TOX: variants seen among roughly 807,000 people sequenced by gnomAD.
TOX encodes thymocyte selection-associated high mobility group box protein TOX.
A neutral mutation model predicts 53.7 loss-of-function variants in TOX; 11 were observed. The ratio of observed to expected loss-of-function variants is 0.20; its 90% confidence interval spans 0.13 to 0.34. The LOEUF (loss-of-function observed/expected upper bound fraction) is 0.34, where lower values mean the gene tolerates loss of function less well. Ranked by LOEUF, TOX falls within the 10% of genes least tolerant of loss-of-function variation. The probability of loss-of-function intolerance (pLI) is 1.00; values close to 1 mark genes in which losing one functional copy is unlikely to be tolerated. For missense variants in TOX, 570 were observed against 664.6 expected, an observed-to-expected ratio of 0.86 and a Z score of 1.56; for synonymous variants, 225 against 245.3, an observed-to-expected ratio of 0.92 and a Z score of 0.77.
chr8:58,813,533 T>C (rs538823931), intron 7 of TOX, among the ~76,000 whole-genome samples: 2 of 152,314 alleles, frequency 1.3e-5, no homozygotes, highest in Admixed American at 6.5e-5. Context: ...TTCATTAAGA[T>C]GCATGGATAC....
intron 7 of TOX, among the ~76,000 whole-genome samples, chr8:58,813,103 A>G (rs896988090): frequency 2.6e-5 from 4 of 152,230 alleles, no homozygotes; most frequent in African/African-American, 9.6e-5. Context: ...ACTGACTTAA[A>G]GGATGATGAA....
chr8:58,973,855 T>A (rs557794638), intron 1 of TOX, among the ~76,000 whole-genome samples: 1 of 152,190 alleles, frequency 6.6e-6, no homozygotes, highest in Non-Finnish European at 1.5e-5. Flanking sequence ...TGGAGTGTAG[T>A]GGCGCGATCT....
At chr8:58,858,046 AG>A (rs1810945001) in intron 3 of TOX, among the ~76,000 whole-genome samples, 1 of 152,218 alleles carries the variant, frequency 6.6e-6, no homozygotes, top group African/African-American at 2.4e-5. Context: ...TTGGGATTAC[AG>A]GCGTGAGCCA....
intron 5 of TOX, among the ~76,000 whole-genome samples, chr8:58,830,396 G>T (rs1179731006): frequency 2.0e-5 from 3 of 152,074 alleles, no homozygotes; most frequent in Non-Finnish European, 2.9e-5. Flanking sequence ...CAATTCTAGA[G>T]AACCCAAATC....
At chr8:59,080,972 T>C (rs1189118496) in intron 1 of TOX, among the ~76,000 whole-genome samples, 2 of 152,168 alleles carry the variant, frequency 1.3e-5, no homozygotes, top group Non-Finnish European at 2.9e-5. Context: ...TGGTGGAAGT[T>C]ATAAATTTTA....
chr8:58,934,737 T>C (rs895190111), intron 3 of TOX, among the ~76,000 whole-genome samples: 7 of 152,218 alleles, frequency 4.6e-5, no homozygotes, highest in African/African-American at 1.7e-4. Context: ...TTCCTTCCCA[T>C]GCATTTTAAC....
chr8:58,874,061 G>T (rs35964164), intron 3 of TOX, among the ~76,000 whole-genome samples: 9,990 of 135,974 alleles, frequency 0.073, 904 homozygotes, highest in African/African-American at 0.23. Context: ...TAATCATACT[G>T]AAGAAAAAGA....
intron 4 of TOX, among the ~76,000 whole-genome samples, chr8:58,841,111 C>T (rs750867412): frequency 9.2e-5 from 14 of 152,182 alleles, no homozygotes; most frequent in Non-Finnish European, 1.8e-4. Context: ...GGATGGTGGT[C>T]AAGTTCATGT....
chr8:58,998,533 AT>A lies in TOX; in HGVS notation c.103-38526del, dbSNP rs1442077674. Among the ~76,000 whole-genome samples the A allele has an allele frequency of 2.0e-3, 81 of 41,228 alleles. 3 individuals are homozygous for A. Among genetic ancestry groups the A allele is most frequent in the South Asian group, 4.6e-3 (5 of 1,082 alleles). 27.0% of individuals were successfully genotyped at this position (41,228 alleles called of 152,430 possible). A position where few individuals can be genotyped will look rare whatever the true frequency, so the allele number is the denominator to read the frequency against. On this transcript the variant is annotated intron_variant, in intron 1 of 8. Transcript: ENST00000361421. ...TATATATATATATATATATATATAT[AT>A]ATATAAATTTATATATAATAAATTT...
intron 1 of TOX, among the ~76,000 whole-genome samples, chr8:58,965,147 C>G (rs536534822): frequency 6.6e-6 from 1 of 152,100 alleles, no homozygotes; most frequent in Non-Finnish European, 1.5e-5. Context: ...TCCATGTATT[C>G]TCAATTTAAA....
chr8:59,099,432 C>T (rs1171980007), intron 1 of TOX, among the ~76,000 whole-genome samples: 3 of 152,244 alleles, frequency 2.0e-5, no homozygotes, highest in South Asian at 4.1e-4. Context: ...ACCTGAAAGA[C>T]AGACACTAAA....
At chr8:59,099,722 A>G (rs1475071313) in intron 1 of TOX, among the ~76,000 whole-genome samples, 1 of 152,218 alleles carries the variant, frequency 6.6e-6, no homozygotes, top group Non-Finnish European at 1.5e-5. Flanking sequence ...TTTATATTTC[A>G]AATGTCATTA....
intron 3 of TOX, among the ~76,000 whole-genome samples, chr8:58,926,987 T>A (rs1025586461): frequency 3.9e-5 from 6 of 152,058 alleles, no homozygotes; most frequent in African/African-American, 1.2e-4. Context: ...AAAATGCTAA[T>A]CCTGTATCCA....
At chr8:58,921,488 G>A (rs985865167) in intron 3 of TOX, among the ~76,000 whole-genome samples, 2 of 152,168 alleles carry the variant, frequency 1.3e-5, no homozygotes. Flanking sequence ...TACATTTGGT[G>A]TTAAGGCCCA....
chr8:58,940,191 TG>T (rs1419154220), intron 2 of TOX, among the ~76,000 whole-genome samples: 1 of 152,218 alleles, frequency 6.6e-6, no homozygotes, highest in East Asian at 1.9e-4. Flanking sequence ...AAGATTTACT[TG>T]ATTTCCTCCT....
At chr8:58,995,202 G>A (rs745318475) in intron 1 of TOX, among the ~76,000 whole-genome samples, 3 of 152,134 alleles carry the variant, frequency 2.0e-5, no homozygotes, top group Non-Finnish European at 2.9e-5. Flanking sequence ...TAAAGGTCTT[G>A]GAGTATAGCA....
intron 3 of TOX, among the ~76,000 whole-genome samples, chr8:58,927,252 C>A (rs958405853): frequency 6.6e-6 from 1 of 152,176 alleles, no homozygotes; most frequent in South Asian, 2.1e-4. Context: ...GAGGGCAGAA[C>A]TGTGAATGCT....
intron 1 of TOX, among the ~76,000 whole-genome samples, chr8:59,065,303 G>A (rs1252914566): frequency 6.6e-6 from 1 of 152,136 alleles, no homozygotes; most frequent in East Asian, 1.9e-4. Flanking sequence ...GGGCAAAGGA[G>A]TAAGAGAATG....
At chr8:59,018,169 A>T (rs1201532028) in intron 1 of TOX, among the ~76,000 whole-genome samples, 1 of 152,180 alleles carries the variant, frequency 6.6e-6, no homozygotes, top group Non-Finnish European at 1.5e-5. Flanking sequence ...TTGAAATGGT[A>T]AGGTTTTAAG....
Sources: allele counts gnomAD v4.1 joint callset (sites outside exome capture counted in the v4.1 genomes callset), GRCh38; gene constraint gnomAD v4.1.1; transcripts MANE v1.5; gene names NCBI Gene and HGNC (gene_info 2026-07-23, HGNC 2026-07-21).